The following NLRP13 variants were observed in gnomAD, a reference collection of about 807,000 sequenced individuals.
NLRP13 encodes the protein NLR family pyrin domain containing 13.
NLRP13 carries 82 observed loss-of-function variants against 94.4 expected under a neutral mutation model. That is an observed-to-expected ratio of 0.87 (90% CI 0.73 to 1.04). The LOEUF (loss-of-function observed/expected upper bound fraction) is 1.04, where lower values mean the gene tolerates loss of function less well. NLRP13 is among the 50% of genes least tolerant of loss of function. The probability of loss-of-function intolerance (pLI) is 0.00; values close to 1 mark genes in which losing one functional copy is unlikely to be tolerated. For synonymous variants in NLRP13, 553 were observed against 464.7 expected (o/e 1.19, Z -2.45); for missense variants, 1,426 against 1,230.8 (o/e 1.16, Z -2.37).
chr19:55,910,599 G>A lies in NLRP13; in HGVS notation c.2246C>T (p.Ala749Val). The A allele has an allele frequency of 6.2e-7, 1 of 1,611,976 alleles. No homozygotes were observed. Among genetic ancestry groups the A allele is most frequent in the Non-Finnish European group, 8.5e-7 (1 of 1,178,508 alleles). The stretch of plus-strand genomic sequence containing the variant: ...GACTTTGCATCTTGGATTTTTCAGT[G>A]CAAGACAGAGACCCTTCACAGAGGA... The part of the protein sequence containing the change: ...HASSVKGLCL[A>V]LKNPRCKVQK... The change falls in exon 6 of 11, where the codon GCA (alanine) becomes GTA (valine). Residue 749 changes from alanine to valine, a missense_variant. By Grantham distance (64) the Ala-to-Val change is moderately conservative. Transcript: ENST00000342929.
At chr19:55,907,294 CG>C (rs1354808464) in intron 7 of NLRP13, among the ~76,000 whole-genome samples, 1 of 152,042 alleles carries the variant, frequency 6.6e-6, no homozygotes, top group East Asian at 1.9e-4. Context: ...TAGGTTGGGC[CG>C]GGCACATTGA....
Position 55,925,014 on chromosome 19 carries a change from A to G in NLRP13, c.341T>C (p.Leu114Pro). The change falls in exon 2 of 11, where the codon CTG (leucine) becomes CCG (proline). Residue 114 changes from leucine (L) to proline (P), a missense_variant. Leu to Pro is a moderately conservative substitution (Grantham distance 98). Transcript: ENST00000342929. ...EMKENVQTQE[L>P]QDPTQEDLEM... The stretch of plus-strand genomic sequence containing the variant: ...TAGATCTTCCTGGGTTGGATCTTGC[A>G]GCTCTTGGGTCTGCACATTCTCTGA... 1 of 1,614,104 alleles carries G rather than the reference A, an allele frequency of 6.2e-7. No homozygotes were observed. Among genetic ancestry groups the G allele is most frequent in the Non-Finnish European group, 8.5e-7 (1 of 1,180,004 alleles).
chr19:55,894,302 A>C (rs1335889598), downstream of NLRP13, among the ~76,000 whole-genome samples: 1 of 151,990 alleles, frequency 6.6e-6, no homozygotes, highest in African/African-American at 2.4e-5. Flanking sequence ...TTGGCCTCTC[A>C]AAGTGCTGGA....
chr19:55,910,561 A>C lies in NLRP13; in HGVS notation c.2282+2T>G, dbSNP rs762908429. Reference sequence around the variant, plus strand: ...CTTGAGCTGCTGGCGTCTCACACTTACGTCAGTTTCTGGACTTTGCATCTT... The same window carrying C: ...CTTGAGCTGCTGGCGTCTCACACTTCCGTCAGTTTCTGGACTTTGCATCTT... On this transcript the variant is annotated splice_donor_variant, in intron 6 of 10. Transcript: ENST00000342929. LOFTEE classifies it high-confidence loss of function. 4 of 1,593,336 alleles carry C rather than the reference A, an allele frequency of 2.5e-6. No individual in the cohort carries two copies. Among genetic ancestry groups the C allele is most frequent in the Non-Finnish European group, 3.4e-6 (4 of 1,165,536 alleles).
intron 1 of NLRP13, 100 bp from the exon 2 acceptor site, chr19:55,925,135 CTG>C: frequency 2.8e-6 from 3 of 1,081,952 alleles, no homozygotes; most frequent in South Asian, 1.3e-5. Flanking sequence ...CTATGACAAA[CTG>C]GAGTTTGAAG....
chr19:55,931,883 T>C lies in NLRP13; in HGVS notation c.319+110A>G, dbSNP rs539355480. On this transcript the variant is annotated intron_variant, in intron 1 of 10. Coordinates refer to ENST00000342929, the MANE Select transcript of NLRP13 (RefSeq NM_176810.2). Reference sequence around the variant, plus strand: ...ACTGTCATAGATTATCAAGGAGGATTTGTAGGGGGAGATCGGCAGTGTGGA... The same window carrying C: ...ACTGTCATAGATTATCAAGGAGGATCTGTAGGGGGAGATCGGCAGTGTGGA... 11 of 864,128 alleles carry C rather than the reference T, an allele frequency of 1.3e-5. No individual in the cohort carries two copies. In the East Asian group the frequency reaches 2.8e-4, roughly 22 times the overall value. The allele number at this position is 864,128 out of a possible 1,614,324, so 53.5% of individuals were successfully genotyped here.
chr19:55,910,694 G>A lies in NLRP13; in HGVS notation c.2151C>T (p.Ser717=). The A allele has an allele frequency of 6.2e-7, 1 of 1,612,430 alleles. No homozygotes were observed. The highest frequency in any genetic ancestry group is 8.5e-7 in the Non-Finnish European group (1 of 1,178,660). The change falls in exon 6 of 11, where the codon AGC becomes AGT. Residue 717 remains serine (S), a synonymous_variant. Transcript: ENST00000342929. ...KFDSRMHAWN[S]ICSTLVTNEN... is the part of the protein sequence containing the mutation. ...CATTTGTGACCAACGTAGAGCAAAT[G>A]CTGTTCCATGCGTGCATCCTGGAAT... is the stretch of plus-strand genomic sequence containing the variant.
intron 1 of NLRP13, among the ~76,000 whole-genome samples, chr19:55,929,649 A>G (rs1987058573): frequency 6.6e-6 from 1 of 152,170 alleles, no homozygotes; most frequent in Non-Finnish European, 1.5e-5. Context: ...GGGGAGGGAT[A>G]GTATTAGAAG....
intron 1 of NLRP13, among the ~76,000 whole-genome samples, chr19:55,929,574 A>G (rs553657209): frequency 6.1e-4 from 93 of 152,294 alleles, no homozygotes; most frequent in African/African-American, 2.2e-3. Context: ...GAGCTGGACA[A>G]TGAGAACACA....
Position 55,911,861 on chromosome 19 carries a change from C to T in NLRP13, c.1956G>A (p.Lys652=). 1 of 1,614,210 alleles carries T rather than the reference C, an allele frequency of 6.2e-7. No individual in the cohort carries two copies. Among genetic ancestry groups the T allele is most frequent in the East Asian group, 2.2e-5 (1 of 44,886 alleles). The change falls in exon 5 of 11, where the codon AAG becomes AAA. Residue 652 remains lysine (K), a synonymous_variant. Transcript: ENST00000342929. ...LHESQEEDFT[K]KMLGRIFEVD... Reference sequence around the variant, plus strand: ...CTTCAAAGATACGACCCAACATCTTCTTTGTGAAGTCTTCCTCCTGGGACT... The same window carrying T: ...CTTCAAAGATACGACCCAACATCTTTTTTGTGAAGTCTTCCTCCTGGGACT...
chr19:55,913,636 A>T (rs189325025), intron 4 of NLRP13, among the ~76,000 whole-genome samples: 1 of 151,912 alleles, frequency 6.6e-6, no homozygotes, highest in Non-Finnish European at 1.5e-5. Flanking sequence ...ACAGAATAAC[A>T]TAAGAGCGAT....
chr19:55,929,443 C>T (rs1367485821), intron 1 of NLRP13, among the ~76,000 whole-genome samples: 2 of 152,052 alleles, frequency 1.3e-5, no homozygotes, highest in African/African-American at 2.4e-5. Flanking sequence ...TACTATGCAG[C>T]CGTAAAAAAG....
intron 8 of NLRP13, among the ~76,000 whole-genome samples, chr19:55,902,850 C>T (rs917190433): frequency 9.4e-5 from 14 of 149,364 alleles, no homozygotes; most frequent in Admixed American, 6.7e-4. Context: ...ACATATATTG[C>T]ATAATACATA....
Position 55,924,992 on chromosome 19 carries a change from A to G in NLRP13, c.363T>C (p.Asp121=). The change falls in exon 2 of 11, where the codon GAT becomes GAC. Residue 121 remains aspartate (D), a synonymous_variant. Coordinates refer to ENST00000342929, the MANE Select transcript of NLRP13 (RefSeq NM_176810.2). ...CTGCTGCTGCTTCTAGCATCTCTAGATCTTCCTGGGTTGGATCTTGCAGCT... is the reference window on the plus strand; with the variant it reads ...CTGCTGCTGCTTCTAGCATCTCTAGGTCTTCCTGGGTTGGATCTTGCAGCT... ...TQELQDPTQE[D]LEMLEAAAGN... is the part of the protein sequence containing the mutation. 3.7e-6 allele frequency: 6 copies of G among 1,614,094 alleles called. No individual in the cohort carries two copies. Among genetic ancestry groups the G allele is most frequent in the Non-Finnish European group, 5.1e-6 (6 of 1,180,000 alleles).
rs1231830990 is a variant in NLRP13 at position 55,932,196 on chromosome 19, T to C, written c.116A>G (p.Gln39Arg). 2.5e-6 allele frequency: 4 copies of C among 1,614,016 alleles called. No homozygotes were observed. The highest frequency in any genetic ancestry group is 3.4e-6 in the Non-Finnish European group (4 of 1,179,950). Residue 39 changes from glutamine (Q) to arginine (R), a missense_variant, in exon 1 of 11, where the codon CAG becomes CGG. Transcript: ENST00000342929. ...GGCCGACCAGAAGTCCATCAGCTGC[T>C]GGGGTTCCAAGCAAAGCTTGAATTC... is the stretch of plus-strand genomic sequence containing the variant. Reference protein sequence around the residue: ...LEEFKLCLEPQQLMDFWSAPQ... With the variant: ...LEEFKLCLEPRQLMDFWSAPQ...
rs776973401 is a variant in NLRP13, at chr19:55,911,862, T to G, written c.1955A>C (p.Lys652Thr). Residue 652 changes from lysine (K) to threonine (T), a missense_variant, in exon 5 of 11, where the codon AAG becomes ACG. Coordinates refer to ENST00000342929, the MANE Select transcript of NLRP13 (RefSeq NM_176810.2). The stretch of plus-strand genomic sequence containing the variant: ...TTCAAAGATACGACCCAACATCTTC[T>G]TTGTGAAGTCTTCCTCCTGGGACTC... ...LHESQEEDFT[K>T]KMLGRIFEVD... 3.1e-6 allele frequency: 5 copies of G among 1,614,226 alleles called. No individual in the cohort carries two copies. Among genetic ancestry groups the G allele is most frequent in the Non-Finnish European group, 4.2e-6 (5 of 1,180,042 alleles).
intron 1 of NLRP13, among the ~76,000 whole-genome samples, chr19:55,930,750 A>G (rs1262614136): frequency 1.3e-5 from 2 of 149,028 alleles, no homozygotes; most frequent in Non-Finnish European, 3.0e-5. Flanking sequence ...AAACATGATT[A>G]TTTTCAACAG....
chr19:55,928,656 G>A (rs1438051610), intron 1 of NLRP13, among the ~76,000 whole-genome samples: 1 of 152,128 alleles, frequency 6.6e-6, no homozygotes, highest in African/African-American at 2.4e-5. Context: ...CCTCTCTCCA[G>A]GTCTCTATAA....
At chr19:55,906,241 G>A (rs1019835740) in intron 7 of NLRP13, among the ~76,000 whole-genome samples, 2 of 145,904 alleles carry the variant, frequency 1.4e-5, no homozygotes, top group African/African-American at 2.5e-5. Context: ...TGGAGGCTGA[G>A]GCAGGAGAAT....
Sources: gnomAD v4.1 joint callset for allele counts (sites outside exome capture counted in the v4.1 genomes callset) on GRCh38, gnomAD v4.1.1 for gene constraint, MANE v1.5 for transcripts, NCBI Gene and HGNC (gene_info 2026-07-23, HGNC 2026-07-21) for gene names.